Variants in MDGA2 observed in about 807,000 individuals in gnomAD.
MDGA2 encodes MAM domain-containing glycosylphosphatidylinositol anchor protein 2.
In MDGA2, 40 loss-of-function variants were observed where a neutral mutation model predicts 117.8. The ratio of observed to expected loss-of-function variants is 0.34; its 90% confidence interval spans 0.26 to 0.44. The LOEUF (loss-of-function observed/expected upper bound fraction) is 0.44, where lower values mean the gene tolerates loss of function less well. Among genes scored for constraint, MDGA2 ranks in the 20% least tolerant of loss-of-function variants. MDGA2 has a pLI of 1.00. For missense variants in MDGA2, 1,123 were observed against 1,250.6 expected, an observed-to-expected ratio of 0.90 and a Z score of 1.54; for synonymous variants, 452 against 439.0, an observed-to-expected ratio of 1.03 and a Z score of -0.37.
chr14:47,247,331 G>T (rs1320662781), intron 2 of MDGA2, among the ~76,000 whole-genome samples: 4 of 148,154 alleles, frequency 2.7e-5, no homozygotes, highest in African/African-American at 1.0e-4. Flanking sequence ...TTGAGACAGG[G>T]TCTCACTGTG....
At chr14:47,528,455 C>G (rs1384983908) in intron 1 of MDGA2, among the ~76,000 whole-genome samples, 1 of 152,180 alleles carries the variant, frequency 6.6e-6, no homozygotes, top group East Asian at 1.9e-4. Flanking sequence ...GTTCTTTGGT[C>G]AGTGGCTGTT....
intron 1 of MDGA2, among the ~76,000 whole-genome samples, chr14:47,430,588 T>C (rs1451451345): frequency 6.6e-6 from 1 of 152,148 alleles, no homozygotes; most frequent in East Asian, 1.9e-4. Flanking sequence ...GGTACCATTA[T>C]ATTACTTTAT....
At position 46,978,354 on chromosome 14, in the gene MDGA2, G is replaced by A. The variant is rs1005301520; in HGVS notation, c.1820-20711C>T. Among the ~76,000 whole-genome samples the A allele has an allele frequency of 2.0e-5, 3 of 151,674 alleles. No homozygotes were observed. The East Asian group carries it at 5.8e-4, about 29-fold the overall frequency. On this transcript the variant is annotated intron_variant, in intron 8 of 16. Coordinates refer to ENST00000399232, the MANE Select transcript of MDGA2 (RefSeq NM_001113498.3). ...GGCTTCTTCATTTATTATAATTTAA[G>A]GAAGATATTTAACATATATGCTAAT...
intron 3 of MDGA2, among the ~76,000 whole-genome samples, chr14:47,210,634 C>T (rs1400322208): frequency 1.3e-5 from 2 of 152,122 alleles, no homozygotes; most frequent in Non-Finnish European, 2.9e-5. Flanking sequence ...TTTTAGGGTT[C>T]TCAATAAGTG....
At chr14:47,373,393 T>G (rs1594823007) in intron 1 of MDGA2, among the ~76,000 whole-genome samples, 1 of 152,226 alleles carries the variant, frequency 6.6e-6, no homozygotes. Context: ...ATATCATCAC[T>G]ATTTATACCA....
intron 1 of MDGA2, among the ~76,000 whole-genome samples, chr14:47,529,087 C>A (rs2138727829): frequency 6.6e-6 from 1 of 152,044 alleles, no homozygotes; most frequent in East Asian, 1.9e-4. Flanking sequence ...CAAGCTCCGC[C>A]CCCCGGGTTC....
intron 1 of MDGA2, among the ~76,000 whole-genome samples, chr14:47,428,261 C>G (rs1892729714): frequency 6.6e-6 from 1 of 152,076 alleles, no homozygotes; most frequent in South Asian, 2.1e-4. Flanking sequence ...ATCATTCAGT[C>G]ATTCTCATAT....
At chr14:47,364,372 C>T (rs1262696126) in intron 1 of MDGA2, among the ~76,000 whole-genome samples, 2 of 152,214 alleles carry the variant, frequency 1.3e-5, no homozygotes, top group African/African-American at 4.8e-5. Context: ...TCACGTCATT[C>T]TCCTGCCTCA....
chr14:47,068,630 T>C (rs1890169390), intron 6 of MDGA2, among the ~76,000 whole-genome samples: 2 of 152,168 alleles, frequency 1.3e-5, no homozygotes, highest in South Asian at 2.1e-4. Flanking sequence ...AATTTAATAA[T>C]ACTTTTTCAC....
intron 1 of MDGA2, among the ~76,000 whole-genome samples, chr14:47,634,369 A>C (rs1897289547): frequency 6.6e-6 from 1 of 151,954 alleles, no homozygotes; most frequent in Non-Finnish European, 1.5e-5. Context: ...TTATATAATC[A>C]TATCAAGAAG....
At chr14:47,389,070 T>A (rs1162643269) in intron 1 of MDGA2, among the ~76,000 whole-genome samples, 1 of 152,188 alleles carries the variant, frequency 6.6e-6, no homozygotes. Flanking sequence ...TTATATAAAG[T>A]TATGCATTAT....
At chr14:47,298,518 C>A (rs766979977) in intron 2 of MDGA2, among the ~76,000 whole-genome samples, 1 of 152,008 alleles carries the variant, frequency 6.6e-6, no homozygotes. Flanking sequence ...TTAGACCAAG[C>A]GAGAAAGTCA....
intron 1 of MDGA2, among the ~76,000 whole-genome samples, chr14:47,434,909 G>A (rs976813353): frequency 6.6e-6 from 1 of 152,146 alleles, no homozygotes; most frequent in Admixed American, 6.5e-5. Flanking sequence ...GTCAAGGTGG[G>A]TGGATCACTT....
intron 2 of MDGA2, among the ~76,000 whole-genome samples, chr14:47,257,803 T>C (rs1887672162): frequency 6.6e-6 from 1 of 152,144 alleles, no homozygotes; most frequent in African/African-American, 2.4e-5. Context: ...GGTCAGTTCT[T>C]TCCAGAGTGT....
intron 1 of MDGA2, among the ~76,000 whole-genome samples, chr14:47,401,646 C>T (rs940495946): frequency 6.6e-6 from 1 of 152,126 alleles, no homozygotes; most frequent in Non-Finnish European, 1.5e-5. Context: ...AAATTACTGG[C>T]CAACCCATAG....
At chr14:47,255,665 A>T (rs1566705497) in intron 2 of MDGA2, among the ~76,000 whole-genome samples, 1 of 152,058 alleles carries the variant, frequency 6.6e-6, no homozygotes, top group Non-Finnish European at 1.5e-5. Flanking sequence ...TTGCCTTGTT[A>T]CTTAAAAATG....
chr14:46,891,201 C>T (rs1393251154), intron 10 of MDGA2, among the ~76,000 whole-genome samples: 2 of 151,318 alleles, frequency 1.3e-5, no homozygotes, highest in Non-Finnish European at 3.0e-5. Context: ...TCTTTTAATC[C>T]CAAGCAAATC....
chr14:47,116,926 A>C (rs1881362653), intron 5 of MDGA2, among the ~76,000 whole-genome samples: 1 of 73,806 alleles, frequency 1.4e-5, no homozygotes, highest in Admixed American at 1.2e-4. Flanking sequence ...CATCAAAATA[A>C]AAAAAAAGGT....
intron 1 of MDGA2, chr14:47,343,279 G>A: frequency 1.8e-6 from 2 of 1,131,012 alleles, no homozygotes; most frequent in Non-Finnish European, 2.2e-6. Flanking sequence ...CATCAGGAAG[G>A]CAATGTTAAC....
Sources: gnomAD v4.1 joint callset for allele counts (sites outside exome capture counted in the v4.1 genomes callset) on GRCh38, gnomAD v4.1.1 for gene constraint, MANE v1.5 for transcripts, NCBI Gene and HGNC (gene_info 2026-07-23, HGNC 2026-07-21) for gene names.